Variants in HMG20A observed in about 807,000 individuals in gnomAD.
The protein encoded by HMG20A is high mobility group 20A.
HMG20A carries 17 observed loss-of-function variants against 43.9 expected under a neutral mutation model. The ratio of observed to expected loss-of-function variants is 0.39; its 90% confidence interval spans 0.27 to 0.58. HMG20A has a LOEUF of 0.58. HMG20A is among the 20% of genes least tolerant of loss of function. The pLI is 0.59. For missense variants in HMG20A, 341 were observed against 438.2 expected (o/e 0.78, Z 1.98); for synonymous variants, 132 against 147.5 (o/e 0.89, Z 0.76).
chr15:77,466,006 T>A (rs2072753759), intron 3 of HMG20A, among the ~76,000 whole-genome samples: 1 of 152,254 alleles, frequency 6.6e-6, no homozygotes, highest in African/African-American at 2.4e-5. Context: ...TCAGTCCTTT[T>A]CATTTCTTTA....
the HMG20A span, among the ~76,000 whole-genome samples, chr15:77,500,671 C>T: frequency 5.0e-4 from 76 of 151,710 alleles, no homozygotes; most frequent in South Asian, 8.4e-4. Context: ...CGAGTTCAAG[C>T]GGTTCTCCTG....
intron 1 of HMG20A, among the ~76,000 whole-genome samples, chr15:77,421,678 A>G (rs1292103450): frequency 6.6e-6 from 1 of 152,240 alleles, no homozygotes; most frequent in Non-Finnish European, 1.5e-5. Context: ...TCTTAGCAGA[A>G]TGAAAGTATC....
the HMG20A span, among the ~76,000 whole-genome samples, chr15:77,511,671 T>C: frequency 0.25 from 38,352 of 152,144 alleles, 5,399 homozygotes; most frequent in Non-Finnish European, 0.32. Flanking sequence ...CGATCACCAT[T>C]GCTAATCACT....
At chr15:77,502,005 T>G in the HMG20A span, among the ~76,000 whole-genome samples, 5 of 152,300 alleles carry the variant, frequency 3.3e-5, no homozygotes, top group East Asian at 3.9e-4. Context: ...ATGGGTGAAG[T>G]ATGGTCCATG....
chr15:77,443,216 A>G (rs2073632432), intron 1 of HMG20A, among the ~76,000 whole-genome samples: 1 of 151,114 alleles, frequency 6.6e-6, no homozygotes, highest in African/African-American at 2.4e-5. Flanking sequence ...TATTTTTAGT[A>G]GAGACAGGGT....
intron 4 of HMG20A, 130 bp from the exon 5 acceptor site, chr15:77,470,780 T>G (rs1595928998): frequency 1.4e-6 from 1 of 732,256 alleles, no homozygotes; most frequent in East Asian, 3.2e-5. Context: ...TTCTGATTCT[T>G]TTTTAAGGCA....
the HMG20A span, among the ~76,000 whole-genome samples, chr15:77,493,675 G>A: frequency 6.6e-6 from 1 of 152,220 alleles, no homozygotes; most frequent in African/African-American, 2.4e-5. Context: ...GAAGAATGAT[G>A]TGGGGAAGAG....
intron 9 of HMG20A, 95 bp downstream of exon 9, chr15:77,479,416 A>G (rs1426957306): frequency 2.6e-6 from 3 of 1,172,560 alleles, no homozygotes; most frequent in African/African-American, 1.5e-5. Context: ...CTGGGATTAC[A>G]TTGGATGAAC....
intron 2 of HMG20A, among the ~76,000 whole-genome samples, chr15:77,459,570 A>G (rs1224011566): frequency 2.0e-5 from 3 of 152,218 alleles, no homozygotes; most frequent in Non-Finnish European, 2.9e-5. Context: ...TTAATGAGAA[A>G]GTGACTTCAA....
intron 6 of HMG20A, among the ~76,000 whole-genome samples, chr15:77,476,971 G>A (rs544000088): frequency 6.6e-6 from 1 of 152,088 alleles, no homozygotes; most frequent in African/African-American, 2.4e-5. Context: ...GGTCTCATGT[G>A]TTTGTTTGTT....
intron 1 of HMG20A, among the ~76,000 whole-genome samples, chr15:77,421,572 G>A (rs1207703144): frequency 6.6e-6 from 1 of 152,216 alleles, no homozygotes; most frequent in Non-Finnish European, 1.5e-5. Flanking sequence ...GGTGCCCTCT[G>A]CCTTGACATG....
At chr15:77,429,413 T>C (rs938173554) in intron 1 of HMG20A, among the ~76,000 whole-genome samples, 24 of 152,092 alleles carry the variant, frequency 1.6e-4, no homozygotes, top group Non-Finnish European at 3.1e-4. Context: ...ATCTCCTTTT[T>C]TTCCCCCATG....
chr15:77,472,207 G>A (rs12324211), intron 6 of HMG20A, among the ~76,000 whole-genome samples: 54,632 of 152,030 alleles, frequency 0.36, 9,979 homozygotes, highest in Non-Finnish European at 0.38. Context: ...TTTGCTTAAA[G>A]CGAACTGTTC....
At chr15:77,469,391 A>G (rs889711358) in intron 4 of HMG20A, among the ~76,000 whole-genome samples, 19 of 151,804 alleles carry the variant, frequency 1.3e-4, no homozygotes, top group African/African-American at 4.4e-4. Flanking sequence ...GGTAGCCTTC[A>G]GCATTCTAAT....
chr15:77,432,722 C>CAAAAAAAAAAAAA (rs34459644), intron 1 of HMG20A, among the ~76,000 whole-genome samples: 1 of 77,744 alleles, frequency 1.3e-5, no homozygotes, highest in Non-Finnish European at 2.3e-5. Flanking sequence ...AACTCCGACT[C>CAAAAAAAAAAAAA]AAAAAAAAAA....
the HMG20A span, among the ~76,000 whole-genome samples, chr15:77,508,284 A>G: frequency 6.6e-6 from 1 of 152,056 alleles, no homozygotes; most frequent in Non-Finnish European, 1.5e-5. Context: ...TGCTTGTCTC[A>G]TATGGCTGCT....
At chr15:77,504,454 T>G in the HMG20A span, among the ~76,000 whole-genome samples, 7 of 152,226 alleles carry the variant, frequency 4.6e-5, no homozygotes, top group Non-Finnish European at 7.3e-5. Context: ...CTTGGAACAG[T>G]CTGACATTTT....
At chr15:77,502,572 T>C in the HMG20A span, among the ~76,000 whole-genome samples, 1 of 152,340 alleles carries the variant, frequency 6.6e-6, no homozygotes, top group East Asian at 1.9e-4. Flanking sequence ...ATGTCACATG[T>C]CCTGTCCAGA....
chr15:77,479,427 A>C, intron 9 of HMG20A, 106 bp downstream of exon 9: 1 of 1,048,168 alleles, frequency 9.5e-7, no homozygotes, highest in Non-Finnish European at 1.4e-6. Context: ...TTGGATGAAC[A>C]AGTTGGAGAC....
Sources: gnomAD v4.1 joint callset for allele counts (sites outside exome capture counted in the v4.1 genomes callset) on GRCh38, gnomAD v4.1.1 for gene constraint, MANE v1.5 for transcripts, NCBI Gene and HGNC (gene_info 2026-07-23, HGNC 2026-07-21) for gene names.